AOAH: variants seen among roughly 807,000 people sequenced by gnomAD.
AOAH encodes acyloxyacyl hydrolase.
Under a neutral mutation model 92.2 loss-of-function variants are expected in AOAH, and 64 were observed. The ratio of observed to expected loss-of-function variants is 0.69; its 90% CI spans 0.57 to 0.86. AOAH has a LOEUF of 0.86. Ranked by LOEUF, AOAH falls within the 40% of genes least tolerant of loss-of-function variation. The pLI is 0.00. For missense variants in AOAH, 656 were observed against 694.6 expected, an observed-to-expected ratio of 0.94 and a Z score of 0.62; for synonymous variants, 263 against 254.5, an observed-to-expected ratio of 1.03 and a Z score of -0.32.
At chr7:36,609,808 T>C (rs1791304557) in intron 11 of AOAH, among the ~76,000 whole-genome samples, 1 of 152,060 alleles carries the variant, frequency 6.6e-6, no homozygotes, top group Admixed American at 6.6e-5. Flanking sequence ...CCCATTGTCA[T>C]CCGATCACAG....
At chr7:36,681,305 A>C (rs564675317) in intron 2 of AOAH, among the ~76,000 whole-genome samples, 3 of 152,342 alleles carry the variant, frequency 2.0e-5, no homozygotes, top group Admixed American at 6.5e-5. Context: ...ATAAACAAAT[A>C]AAATATAGAA....
chr7:36,546,788 G>A lies in AOAH; in HGVS notation c.1133+1824C>T, dbSNP rs193064903. Among the ~76,000 whole-genome samples, 300 of 152,298 alleles carry A rather than the reference G, an allele frequency of 2.0e-3. 1 individual carries two copies. Among genetic ancestry groups the A allele is most frequent in the Non-Finnish European group, 2.3e-3 (154 of 68,028 alleles). ...TCTGACCATAGCTTTGTTCTGTTTC[G>A]TGATGGCAGCTAGAGCCTGAAGCAT... On this transcript the variant is annotated intron_variant, in intron 15 of 20. Coordinates refer to ENST00000617537, the MANE Select transcript of AOAH (RefSeq NM_001637.4).
At position 36,563,147 on chromosome 7, in the gene AOAH, C is replaced by CAAAAAA. The variant is rs60240330; in HGVS notation, c.1021+13421_1021+13426dup. Among the ~76,000 whole-genome samples the CAAAAAA allele has an allele frequency of 8.3e-5, 3 of 36,060 alleles. 1 individual carries two copies. Among genetic ancestry groups the CAAAAAA allele is most frequent in the African/African-American group, 2.9e-4 (3 of 10,500 alleles). The allele number at this position is 36,060 out of a possible 152,430, so 23.7% of individuals were successfully genotyped here. A position where few individuals can be genotyped will look rare whatever the true frequency, so the allele number is the denominator to read the frequency against. On this transcript the variant is annotated intron_variant, in intron 13 of 20. Coordinates refer to ENST00000617537, the MANE Select transcript of AOAH (RefSeq NM_001637.4). The stretch of plus-strand genomic sequence containing the variant: ...GTGCAACAAGAATGAAACTCCGTCT[C>CAAAAAA]AAAAAAAAAAAAAAAAAAAAAAAAA...
At chr7:36,542,091 T>C (rs906383816) in intron 15 of AOAH, among the ~76,000 whole-genome samples, 2 of 152,262 alleles carry the variant, frequency 1.3e-5, no homozygotes, top group Non-Finnish European at 2.9e-5. Context: ...TCATGTTGGA[T>C]TAGTGTGGGC....
intron 6 of AOAH, among the ~76,000 whole-genome samples, chr7:36,625,746 G>GATTT (rs1792618273): frequency 6.6e-6 from 1 of 152,176 alleles, no homozygotes; most frequent in African/African-American, 2.4e-5. Flanking sequence ...CCCACACCTT[G>GATTT]ATTTTCCCAT....
chr7:36,661,790 T>G (rs1167955443), intron 3 of AOAH, among the ~76,000 whole-genome samples: 1 of 152,200 alleles, frequency 6.6e-6, no homozygotes, highest in Non-Finnish European at 1.5e-5. Context: ...ATTGGCTTGC[T>G]CCCTTCACTC....
intron 11 of AOAH, among the ~76,000 whole-genome samples, chr7:36,596,173 C>A (rs868088558): frequency 1.6e-4 from 24 of 146,812 alleles, no homozygotes; most frequent in South Asian, 6.4e-4. Flanking sequence ...GCCCCCCCAC[C>A]CCCCGTCACC....
At chr7:36,567,589 T>A (rs183355588) in intron 13 of AOAH, among the ~76,000 whole-genome samples, 80 of 152,348 alleles carry the variant, frequency 5.3e-4, no homozygotes, top group African/African-American at 1.8e-3. Context: ...TCACACATTC[T>A]GCTAACGGAT....
intron 19 of AOAH, among the ~76,000 whole-genome samples, chr7:36,526,339 A>G (rs961332433): frequency 8.5e-5 from 13 of 152,218 alleles, no homozygotes; most frequent in Admixed American, 3.9e-4. Flanking sequence ...GGACAGTAAA[A>G]CTTAAGGGAG....
chr7:36,538,327 T>C (rs192718057), intron 16 of AOAH, among the ~76,000 whole-genome samples: 1 of 152,188 alleles, frequency 6.6e-6, no homozygotes, highest in East Asian at 1.9e-4. Context: ...GTGCCTGGCC[T>C]CATTCTTACA....
At position 36,686,746 on chromosome 7, in the gene AOAH, T is replaced by C; in HGVS notation, c.176A>G (p.Asn59Ser). The change falls in exon 2 of 21, where the codon AAC becomes AGC. Residue 59 changes from asparagine to serine, a missense_variant. Physicochemically the swap from Asn to Ser is conservative, Grantham distance 46. Coordinates refer to ENST00000617537, the MANE Select transcript of AOAH (RefSeq NM_001637.4). ...CTCCATCGAGGCCTGGACCGTCGAG[T>C]TGTGAACTTGAGCAAGCTGTTCTAT... Reference protein sequence around the residue: ...SVIEQLAQVHNSTVQASMERL... With the variant: ...SVIEQLAQVHSSTVQASMERL... The C allele has an allele frequency of 6.3e-7, 1 of 1,579,742 alleles. No individual in the cohort carries two copies. Among genetic ancestry groups the C allele is most frequent in the Non-Finnish European group, 8.6e-7 (1 of 1,162,718 alleles).
intron 13 of AOAH, among the ~76,000 whole-genome samples, chr7:36,567,930 G>A (rs955784457): frequency 6.6e-5 from 10 of 152,216 alleles, no homozygotes; most frequent in African/African-American, 2.4e-4. Context: ...CCTTTACCCA[G>A]CTTAGGCTTT....
chr7:36,550,747 C>G (rs763643733), intron 13 of AOAH, among the ~76,000 whole-genome samples: 28 of 152,172 alleles, frequency 1.8e-4, no homozygotes, highest in Non-Finnish European at 3.7e-4. Context: ...TGGAGAAATA[C>G]CATCCAGTTG....
intron 16 of AOAH, among the ~76,000 whole-genome samples, chr7:36,533,645 C>T (rs1282115790): frequency 6.6e-6 from 1 of 152,014 alleles, no homozygotes; most frequent in Non-Finnish European, 1.5e-5. Context: ...CCTACTTCTA[C>T]CCACTGAGGA....
At position 36,550,656 on chromosome 7, in the gene AOAH, G is replaced by A. The variant is rs114328851; in HGVS notation, c.1022-1181C>T. On this transcript the variant is annotated intron_variant, in intron 13 of 20. Transcript: ENST00000617537. ...AAGAGTTAACCCAAACCAGTGTACT[G>A]TCTTTTTGTCCCCAAGAGACAGATC... 7.8e-3 allele frequency among the ~76,000 whole-genome samples: 1,184 copies of A among 152,292 alleles called. 15 individuals are homozygous for A. Among genetic ancestry groups the A allele is most frequent in the African/African-American group, 0.027 (1,138 of 41,554 alleles).
rs540011610 is a variant in AOAH, at chr7:36,659,162, T to G, written c.390+4A>C. On this transcript the variant is annotated splice_donor_region_variant and intron_variant, in intron 4 of 20. Transcript: ENST00000617537. Reference sequence around the variant, plus strand: ...ACAGATGTTCAGAGTGATTACACACTCACCTTGGGAAGAGGGTAGAGATGA... The same window carrying G: ...ACAGATGTTCAGAGTGATTACACACGCACCTTGGGAAGAGGGTAGAGATGA... The G allele has an allele frequency of 5.0e-6, 8 of 1,610,354 alleles. No individual in the cohort carries two copies. The highest frequency in any genetic ancestry group is 3.3e-4 in the Middle Eastern group (2 of 6,060).
At chr7:36,541,819 T>C (rs1006143639) in intron 15 of AOAH, among the ~76,000 whole-genome samples, 1 of 152,246 alleles carries the variant, frequency 6.6e-6, no homozygotes, top group African/African-American at 2.4e-5. Flanking sequence ...TGCACACACC[T>C]TCAGGAACAC....
At chr7:36,707,017 T>C (rs1198289883) in intron 1 of AOAH, among the ~76,000 whole-genome samples, 1 of 137,686 alleles carries the variant, frequency 7.3e-6, no homozygotes, top group Non-Finnish European at 1.7e-5. Flanking sequence ...AGTGCTTTAA[T>C]TTTTTTTCAA....
chr7:36,694,560 TCTATA>T (rs1797593097), intron 1 of AOAH, among the ~76,000 whole-genome samples: 3 of 152,172 alleles, frequency 2.0e-5, no homozygotes, highest in South Asian at 4.1e-4. Context: ...TACACTTTTG[TCTATA>T]CTATATTTTA....
Sources: allele counts gnomAD v4.1 joint callset (sites outside exome capture counted in the v4.1 genomes callset), GRCh38; gene constraint gnomAD v4.1.1; transcripts MANE v1.5; gene names NCBI Gene and HGNC (gene_info 2026-07-23, HGNC 2026-07-21).